Variants in PLCB1 observed in about 807,000 individuals in gnomAD.
PLCB1 encodes phospholipase C beta 1, also known as 1-phosphatidylinositol 4,5-bisphosphate phosphodiesterase beta-1.
In PLCB1, 46 loss-of-function variants were observed where a neutral mutation model predicts 161.8. The ratio of observed to expected loss-of-function variants is 0.28; its 90% CI spans 0.22 to 0.36. PLCB1 has a LOEUF of 0.36. Ranked by LOEUF, PLCB1 falls within the 10% of genes least tolerant of loss-of-function variation. The probability of loss-of-function intolerance (pLI) is 1.00; values close to 1 mark genes in which losing one functional copy is unlikely to be tolerated. For synonymous variants in PLCB1, 517 were observed against 503.7 expected, an observed-to-expected ratio of 1.03 and a Z score of -0.35; for missense variants, 1,016 against 1,472.5, an observed-to-expected ratio of 0.69 and a Z score of 5.07.
At chr20:8,536,266 T>C (rs983342335) in intron 3 of PLCB1, among the ~76,000 whole-genome samples, 1 of 151,436 alleles carries the variant, frequency 6.6e-6, no homozygotes, top group African/African-American at 2.4e-5. Flanking sequence ...TTCATGGATA[T>C]ACAAGAAGAA....
At chr20:8,499,787 C>A (rs779264565) in intron 3 of PLCB1, among the ~76,000 whole-genome samples, 16 of 152,168 alleles carry the variant, frequency 1.1e-4, no homozygotes, top group Non-Finnish European at 1.9e-4. Flanking sequence ...CAAAACTTTT[C>A]TCTCATTTTA....
At chr20:8,257,632 G>A (rs921736126) in intron 2 of PLCB1, among the ~76,000 whole-genome samples, 1 of 152,150 alleles carries the variant, frequency 6.6e-6, no homozygotes, top group Non-Finnish European at 1.5e-5. Context: ...CAGGGTGATT[G>A]TGAGAATTCC....
At chr20:8,487,123 T>C (rs1982763511) in intron 3 of PLCB1, among the ~76,000 whole-genome samples, 1 of 152,242 alleles carries the variant, frequency 6.6e-6, no homozygotes. Context: ...TGTGTGTATA[T>C]GTGTGTGTCT....
chr20:8,786,545 C>T (rs1245611050), intron 27 of PLCB1, among the ~76,000 whole-genome samples: 1 of 152,148 alleles, frequency 6.6e-6, no homozygotes, highest in Non-Finnish European at 1.5e-5. Context: ...TGGGTTTGTA[C>T]CCATCTCAGC....
chr20:8,155,334 C>G (rs1484651521), intron 2 of PLCB1, among the ~76,000 whole-genome samples: 3 of 152,192 alleles, frequency 2.0e-5, no homozygotes, highest in African/African-American at 7.2e-5. Context: ...ATGCCATCTG[C>G]CATCTTGTTC....
intron 3 of PLCB1, among the ~76,000 whole-genome samples, chr20:8,621,772 A>G (rs1332086128): frequency 6.6e-6 from 1 of 152,222 alleles, no homozygotes; most frequent in Non-Finnish European, 1.5e-5. Context: ...AGAGTTTACC[A>G]TCAGGTGTAC....
At chr20:8,329,713 T>C (rs541575797) in intron 2 of PLCB1, among the ~76,000 whole-genome samples, 26 of 152,168 alleles carry the variant, frequency 1.7e-4, no homozygotes, top group Admixed American at 1.3e-3. Context: ...TCAGCATTGC[T>C]CTCTTTCTAA....
At chr20:8,524,981 G>T (rs1984525300) in intron 3 of PLCB1, among the ~76,000 whole-genome samples, 2 of 152,138 alleles carry the variant, frequency 1.3e-5, no homozygotes, top group Admixed American at 6.5e-5. Flanking sequence ...AGAACCTTTG[G>T]AGAAGTGTAA....
intron 3 of PLCB1, among the ~76,000 whole-genome samples, chr20:8,450,141 C>T (rs1981006816): frequency 6.6e-6 from 1 of 152,140 alleles, no homozygotes; most frequent in African/African-American, 2.4e-5. Context: ...GATCATTTTT[C>T]CTAGGCTTCC....
At chr20:8,288,639 C>A (rs1212950681) in intron 2 of PLCB1, among the ~76,000 whole-genome samples, 1 of 152,078 alleles carries the variant, frequency 6.6e-6, no homozygotes, top group African/African-American at 2.4e-5. Context: ...CAGGGTGGTA[C>A]TCCTCAGCCA....
At chr20:8,678,400 G>A (rs4816073) in intron 9 of PLCB1, among the ~76,000 whole-genome samples, 25,325 of 152,112 alleles carry the variant, frequency 0.17, 2,428 homozygotes, top group Admixed American at 0.31. Context: ...CAATACATGC[G>A]TATTATTTTG....
At chr20:8,189,312 A>G (rs1374272099) in intron 2 of PLCB1, among the ~76,000 whole-genome samples, 2 of 146,190 alleles carry the variant, frequency 1.4e-5, no homozygotes, top group Non-Finnish European at 3.0e-5. Context: ...GTTTGACTAT[A>G]GTAACTATTT....
intron 3 of PLCB1, among the ~76,000 whole-genome samples, chr20:8,403,039 G>T (rs1389982140): frequency 6.6e-6 from 1 of 152,006 alleles, no homozygotes; most frequent in Admixed American, 6.6e-5. Context: ...AAATTAATCA[G>T]TGTTGTATAT....
intron 3 of PLCB1, among the ~76,000 whole-genome samples, chr20:8,421,776 T>C (rs755048679): frequency 6.6e-6 from 1 of 152,190 alleles, no homozygotes; most frequent in Non-Finnish European, 1.5e-5. Flanking sequence ...GGCATCAGCA[T>C]CACCAAGGGC....
At chr20:8,524,443 G>A (rs1471437360) in intron 3 of PLCB1, among the ~76,000 whole-genome samples, 5 of 151,978 alleles carry the variant, frequency 3.3e-5, no homozygotes, top group African/African-American at 4.8e-5. Flanking sequence ...TTTGCTAATC[G>A]GTCATGGCAC....
At chr20:8,184,631 A>T (rs1363788807) in intron 2 of PLCB1, among the ~76,000 whole-genome samples, 1 of 151,900 alleles carries the variant, frequency 6.6e-6, no homozygotes, top group Non-Finnish European at 1.5e-5. Context: ...TTAGCAATTC[A>T]ATTAAAATTG....
chr20:8,438,982 G>A (rs1006980364), intron 3 of PLCB1, among the ~76,000 whole-genome samples: 5 of 152,192 alleles, frequency 3.3e-5, no homozygotes, highest in Admixed American at 3.3e-4. Flanking sequence ...GGAATTCAGA[G>A]GGAAGGAGAG....
At chr20:8,274,481 G>GT (rs201176599) in intron 2 of PLCB1, among the ~76,000 whole-genome samples, 115 of 147,668 alleles carry the variant, frequency 7.8e-4, no homozygotes, top group African/African-American at 2.0e-3. Context: ...TACTTGTGTC[G>GT]TTTTTTTTTT....
intron 3 of PLCB1, among the ~76,000 whole-genome samples, chr20:8,555,019 T>G (rs1377613173): frequency 1.3e-5 from 2 of 152,128 alleles, no homozygotes; most frequent in Admixed American, 1.3e-4. Context: ...AAGGGAATCT[T>G]AAGTTAAAAT....
Sources: gnomAD v4.1 joint callset for allele counts (sites outside exome capture counted in the v4.1 genomes callset) on GRCh38, gnomAD v4.1.1 for gene constraint, MANE v1.5 for transcripts, NCBI Gene and HGNC (gene_info 2026-07-23, HGNC 2026-07-21) for gene names.